Variants in MEGF11 observed in about 807,000 individuals in gnomAD.
The protein encoded by MEGF11 is multiple epidermal growth factor-like domains protein 11.
MEGF11 carries 126 observed loss-of-function variants against 146.6 expected under a neutral mutation model. That is an observed-to-expected ratio of 0.86 (90% confidence interval 0.74 to 1.00). The LOEUF (loss-of-function observed/expected upper bound fraction) is 1.00, where lower values mean the gene tolerates loss of function less well. Ranked by LOEUF, MEGF11 falls within the 50% of genes least tolerant of loss-of-function variation. The probability of loss-of-function intolerance (pLI) is 0.00; values close to 1 mark genes in which losing one functional copy is unlikely to be tolerated. For missense variants in MEGF11, 1,509 were observed against 1,521.2 expected, an observed-to-expected ratio of 0.99 and a Z score of 0.13; for synonymous variants, 532 against 583.4, an observed-to-expected ratio of 0.91 and a Z score of 1.27.
chr15:65,993,009 C>A (rs2082101544), intron 5 of MEGF11, among the ~76,000 whole-genome samples: 4 of 152,156 alleles, frequency 2.6e-5, no homozygotes, highest in Admixed American at 2.6e-4. Flanking sequence ...CCAGATCACC[C>A]ATGAGAGGCA....
intron 5 of MEGF11, among the ~76,000 whole-genome samples, chr15:66,079,539 C>CA (rs998055745): frequency 8.2e-6 from 1 of 122,598 alleles, no homozygotes; most frequent in Admixed American, 7.7e-5. Flanking sequence ...TCATTCACAC[C>CA]CCCCCCCCCA....
intron 8 of MEGF11, among the ~76,000 whole-genome samples, chr15:65,968,823 C>G (rs1435578265): frequency 6.6e-6 from 1 of 152,184 alleles, no homozygotes; most frequent in Admixed American, 6.5e-5. Context: ...CGTTACATTT[C>G]GTGTTTAATT....
intron 9 of MEGF11, among the ~76,000 whole-genome samples, chr15:65,963,066 C>A (rs2080922925): frequency 6.6e-6 from 1 of 152,136 alleles, no homozygotes; most frequent in Non-Finnish European, 1.5e-5. Context: ...AACAGTAACC[C>A]TTTAATTTGG....
chr15:66,083,418 T>G (rs1005438011), intron 5 of MEGF11, among the ~76,000 whole-genome samples: 2 of 152,120 alleles, frequency 1.3e-5, no homozygotes, highest in African/African-American at 4.8e-5. Context: ...TAAATAGTAT[T>G]GGGGAAACTG....
At chr15:66,068,801 A>G (rs1402425128) in intron 5 of MEGF11, among the ~76,000 whole-genome samples, 1 of 152,236 alleles carries the variant, frequency 6.6e-6, no homozygotes, top group African/African-American at 2.4e-5. Context: ...GTGGGTAGCC[A>G]GCTGTGCAAA....
chr15:66,233,951 C>CTTTTTTTTTTTTTTTTTT (rs57240560), intron 1 of MEGF11, among the ~76,000 whole-genome samples: 4 of 119,932 alleles, frequency 3.3e-5, no homozygotes, highest in East Asian at 2.4e-4. Context: ...TTTTCTTTTT[C>CTTTTTTTTTTTTTTTTTT]TTTTTTTTTT....
intron 1 of MEGF11, among the ~76,000 whole-genome samples, chr15:66,166,735 G>C (rs1391784741): frequency 6.6e-6 from 1 of 151,730 alleles, no homozygotes; most frequent in Admixed American, 6.6e-5. Flanking sequence ...CCTCTGGCTG[G>C]CTCCGCCTTG....
chr15:65,909,188 C>G, intron 22 of MEGF11, 53 bp from the exon 23 acceptor site: 1 of 1,274,580 alleles, frequency 7.8e-7, no homozygotes, highest in South Asian at 1.3e-5. Context: ...CCTGGTATAG[C>G]AGGGGAAGGG....
chr15:66,164,123 C>T (rs1005337160), intron 1 of MEGF11, among the ~76,000 whole-genome samples: 2 of 152,094 alleles, frequency 1.3e-5, no homozygotes, highest in African/African-American at 4.8e-5. Context: ...TCCATTGTGG[C>T]CTGAACGAAG....
At chr15:65,941,690 T>C (rs1033556591) in intron 10 of MEGF11, among the ~76,000 whole-genome samples, 12 of 152,256 alleles carry the variant, frequency 7.9e-5, no homozygotes, top group African/African-American at 2.9e-4. Context: ...GAGAAGGCAT[T>C]ACTGGCTAAT....
At chr15:66,058,923 C>T (rs1400430485) in intron 5 of MEGF11, among the ~76,000 whole-genome samples, 2 of 152,132 alleles carry the variant, frequency 1.3e-5, no homozygotes, top group Non-Finnish European at 2.9e-5. Context: ...TGAGTCTCCC[C>T]ATTACCCCAG....
intron 5 of MEGF11, among the ~76,000 whole-genome samples, chr15:65,992,383 TC>T (rs1464016897): frequency 6.8e-6 from 1 of 146,012 alleles, no homozygotes; most frequent in East Asian, 2.3e-4. Flanking sequence ...AGGACCCCGT[TC>T]CTCAAGGGCT....
At chr15:65,965,601 T>TTTCTTTCTTTCTTTCTTTCTTTC (rs869249487) in intron 8 of MEGF11, among the ~76,000 whole-genome samples, 15 of 46,474 alleles carry the variant, frequency 3.2e-4, no homozygotes, top group African/African-American at 1.1e-3. Context: ...TCTTTCTTTC[T>TTTCTTTCTTTCTTTCTTTCTTTC]TTTTTTTTTT....
intron 2 of MEGF11, among the ~76,000 whole-genome samples, chr15:66,126,944 C>G (rs1043657232): frequency 2.0e-5 from 3 of 152,186 alleles, no homozygotes; most frequent in Admixed American, 2.0e-4. Flanking sequence ...ATGCACCTCC[C>G]GTGAGTCTGA....
At chr15:66,064,254 A>T (rs2140428361) in intron 5 of MEGF11, among the ~76,000 whole-genome samples, 2 of 152,150 alleles carry the variant, frequency 1.3e-5, no homozygotes, top group East Asian at 3.9e-4. Flanking sequence ...GTGTAATCCC[A>T]GTTACTCTGT....
intron 3 of MEGF11, 104 bp downstream of exon 3, chr15:66,123,795 G>C: frequency 2.3e-6 from 2 of 865,816 alleles, no homozygotes; most frequent in Non-Finnish European, 3.8e-6. Context: ...GAGTGGAGGC[G>C]CGTGACAACA....
rs570207931 is a variant in MEGF11, at chr15:65,908,145, C to T, written c.2998+889G>A. ...AGCCTCCTGAGTATAGGCCCAGGGT[C>T]CATGCAGCCCATGCCTGCTCAGTGG... is the stretch of plus-strand genomic sequence containing the variant. On this transcript the variant is annotated intron_variant, in intron 23 of 25. Coordinates refer to ENST00000395614, the MANE Select transcript of MEGF11 (RefSeq NM_001385028.1). 3.9e-4 allele frequency among the ~76,000 whole-genome samples: 59 copies of T among 152,302 alleles called. 1 individual carries two copies. Among genetic ancestry groups the T allele is most frequent in the Admixed American group, 1.5e-3 (23 of 15,290 alleles).
intron 1 of MEGF11, among the ~76,000 whole-genome samples, chr15:66,185,381 C>T (rs2090667096): frequency 6.6e-6 from 1 of 152,196 alleles, no homozygotes; most frequent in Admixed American, 6.5e-5. Flanking sequence ...GTAAATAGCA[C>T]ATTTGCTTTT....
chr15:65,939,858 CACTT>C (rs2079923352), intron 10 of MEGF11, among the ~76,000 whole-genome samples: 2 of 152,168 alleles, frequency 1.3e-5, no homozygotes, highest in African/African-American at 4.8e-5. Context: ...TCCTTTGTGT[CACTT>C]ACCACAGTTG....
Sources: allele counts gnomAD v4.1 joint callset (sites outside exome capture counted in the v4.1 genomes callset), GRCh38; gene constraint gnomAD v4.1.1; transcripts MANE v1.5; gene names NCBI Gene and HGNC (gene_info 2026-07-23, HGNC 2026-07-21).